The following ADAMTSL1 variants were observed in gnomAD, a reference collection of about 807,000 sequenced individuals.
ADAMTSL1 encodes the protein ADAMTS-like protein 1.
ADAMTSL1 carries 126 observed loss-of-function variants against 201.8 expected under a neutral mutation model. The observed-to-expected ratio is 0.62, with a 90% CI of 0.54 to 0.72. The LOEUF (loss-of-function observed/expected upper bound fraction) is 0.72, where lower values mean the gene tolerates loss of function less well. Among genes scored for constraint, ADAMTSL1 ranks in the 30% least tolerant of loss-of-function variants. ADAMTSL1 has a pLI of 0.00. For synonymous variants in ADAMTSL1, 1,121 were observed against 903.4 expected (o/e 1.24, Z -4.32); for missense variants, 2,679 against 2,277.8 (o/e 1.18, Z -3.59).
At chr9:18,256,428 G>A (rs918262826) in intron 2 of ADAMTSL1, among the ~76,000 whole-genome samples, 2 of 152,166 alleles carry the variant, frequency 1.3e-5, no homozygotes, top group Non-Finnish European at 2.9e-5. Flanking sequence ...AGAATGCAAA[G>A]TACAGTCCAA....
intron 2 of ADAMTSL1, among the ~76,000 whole-genome samples, chr9:18,326,378 C>A (rs1834831160): frequency 6.6e-6 from 1 of 151,178 alleles, no homozygotes; most frequent in Non-Finnish European, 1.5e-5. Context: ...TATCAAAATT[C>A]ATCAAGTTAT....
chr9:18,508,977 G>T (rs1817851314), intron 2 of ADAMTSL1, among the ~76,000 whole-genome samples: 2 of 95,720 alleles, frequency 2.1e-5, no homozygotes, highest in Non-Finnish European at 4.5e-5. Context: ...GAGGTCAGGA[G>T]ATCGAGACCA....
At chr9:18,894,587 G>C (rs1588331479) in intron 26 of ADAMTSL1, among the ~76,000 whole-genome samples, 1 of 151,844 alleles carries the variant, frequency 6.6e-6, no homozygotes, top group South Asian at 2.1e-4. Context: ...TTTGACTGGA[G>C]GTTCTGAATT....
intron 2 of ADAMTSL1, among the ~76,000 whole-genome samples, chr9:18,388,621 G>C (rs1488326533): frequency 6.9e-6 from 1 of 145,712 alleles, no homozygotes; most frequent in Admixed American, 6.8e-5. Flanking sequence ...TTTTTTTTTT[G>C]TTTTAATTGC....
At chr9:18,677,725 G>C (rs560636845) in intron 10 of ADAMTSL1, among the ~76,000 whole-genome samples, 1 of 151,970 alleles carries the variant, frequency 6.6e-6, no homozygotes, top group Non-Finnish European at 1.5e-5. Context: ...ATATTAAAAC[G>C]ATCCTCCTGG....
intron 13 of ADAMTSL1, among the ~76,000 whole-genome samples, chr9:18,695,169 G>T (rs1368719634): frequency 1.3e-5 from 2 of 152,224 alleles, no homozygotes; most frequent in Non-Finnish European, 2.9e-5. Context: ...TAGGCCTCCA[G>T]GCCTGTGATA....
At chr9:18,360,220 T>G (rs1304568671) in intron 2 of ADAMTSL1, among the ~76,000 whole-genome samples, 2 of 152,112 alleles carry the variant, frequency 1.3e-5, no homozygotes, top group African/African-American at 2.4e-5. Context: ...CTCAATCACT[T>G]TAACTCCAGA....
At chr9:18,548,861 A>C (rs1820628777) in intron 3 of ADAMTSL1, among the ~76,000 whole-genome samples, 1 of 152,056 alleles carries the variant, frequency 6.6e-6, no homozygotes, top group Non-Finnish European at 1.5e-5. Context: ...TAGTAATTGA[A>C]ATAAAAATTT....
chr9:18,397,997 A>T (rs1049009837), intron 2 of ADAMTSL1, among the ~76,000 whole-genome samples: 8 of 152,176 alleles, frequency 5.3e-5, no homozygotes, highest in Non-Finnish European at 1.0e-4. Context: ...GCAGTACAGT[A>T]TTGTCTTGCT....
At chr9:18,548,113 T>C (rs1820585450) in intron 3 of ADAMTSL1, among the ~76,000 whole-genome samples, 1 of 152,026 alleles carries the variant, frequency 6.6e-6, no homozygotes, top group Non-Finnish European at 1.5e-5. Flanking sequence ...CAATTGTGAA[T>C]TGTCTACTTA....
chr9:18,075,085 A>T (rs1037143564), intron 1 of ADAMTSL1, among the ~76,000 whole-genome samples: 2 of 149,582 alleles, frequency 1.3e-5, no homozygotes, highest in African/African-American at 2.5e-5. Context: ...TCTTTCCTAC[A>T]CTCCTCACTT....
intron 2 of ADAMTSL1, among the ~76,000 whole-genome samples, chr9:18,431,357 G>T (rs1819481729): frequency 6.6e-6 from 1 of 152,204 alleles, no homozygotes. Flanking sequence ...GAAACTAAAA[G>T]TGTATCAGTG....
intron 2 of ADAMTSL1, among the ~76,000 whole-genome samples, chr9:18,431,395 G>A (rs905718110): frequency 6.6e-6 from 1 of 152,166 alleles, no homozygotes; most frequent in Non-Finnish European, 1.5e-5. Flanking sequence ...GTCTCTCTTA[G>A]ACTAAGCTTG....
At chr9:18,697,626 G>A (rs1214555176) in intron 13 of ADAMTSL1, among the ~76,000 whole-genome samples, 1 of 152,204 alleles carries the variant, frequency 6.6e-6, no homozygotes, top group Non-Finnish European at 1.5e-5. Context: ...GCTATATTAA[G>A]GTGGTGGTAA....
intron 2 of ADAMTSL1, among the ~76,000 whole-genome samples, chr9:18,457,462 G>C (rs144097658): frequency 6.6e-5 from 10 of 152,260 alleles, no homozygotes; most frequent in Non-Finnish European, 1.5e-4. Flanking sequence ...CTTCTGAGTG[G>C]CTGGCTAGGA....
intron 3 of ADAMTSL1, among the ~76,000 whole-genome samples, chr9:18,554,600 C>T (rs1409177719): frequency 6.6e-6 from 1 of 151,782 alleles, no homozygotes; most frequent in East Asian, 1.9e-4. Context: ...CTTCTACCCC[C>T]AACCTTTACC....
At chr9:18,230,623 A>G (rs1393791586) in intron 2 of ADAMTSL1, among the ~76,000 whole-genome samples, 1 of 152,180 alleles carries the variant, frequency 6.6e-6, no homozygotes, top group Non-Finnish European at 1.5e-5. Flanking sequence ...AATCTAGAGA[A>G]GAATTACTCT....
chr9:18,805,129 T>C (rs577041975), intron 20 of ADAMTSL1, among the ~76,000 whole-genome samples: 1 of 152,338 alleles, frequency 6.6e-6, no homozygotes, highest in South Asian at 2.1e-4. Context: ...CAATCTGGCA[T>C]ATGTTGTTTC....
intron 20 of ADAMTSL1, among the ~76,000 whole-genome samples, chr9:18,813,481 G>A (rs1823641222): frequency 6.6e-6 from 1 of 152,034 alleles, no homozygotes; most frequent in South Asian, 2.1e-4. Context: ...ACATTTATTT[G>A]TGTCCTTTTC....
Sources: gnomAD v4.1 joint callset for allele counts (sites outside exome capture counted in the v4.1 genomes callset) on GRCh38, gnomAD v4.1.1 for gene constraint, MANE v1.5 for transcripts, NCBI Gene and HGNC (gene_info 2026-07-23, HGNC 2026-07-21) for gene names.